Variants in KMT5A observed in about 807,000 individuals in gnomAD.
KMT5A encodes N-lysine methyltransferase KMT5A.
In KMT5A, 6 loss-of-function variants were observed where a neutral mutation model predicts 40.6. The ratio of observed to expected loss-of-function variants is 0.15; its 90% confidence interval spans 0.08 to 0.29. KMT5A has a LOEUF of 0.29. Among genes scored for constraint, KMT5A ranks in the 10% least tolerant of loss-of-function variants. The pLI, the probability that KMT5A is intolerant of heterozygous loss-of-function variation, is 1.00. For synonymous variants in KMT5A, 153 were observed against 178.8 expected, an observed-to-expected ratio of 0.86 and a Z score of 1.15; for missense variants, 308 against 459.1, an observed-to-expected ratio of 0.67 and a Z score of 3.01.
chr12:123,387,821 G>C (rs956292451), intron 1 of KMT5A, among the ~76,000 whole-genome samples: 4 of 152,196 alleles, frequency 2.6e-5, no homozygotes, highest in African/African-American at 9.7e-5. Flanking sequence ...GGAATTCAAG[G>C]TTCTTGGTTT....
chr12:123,398,121 A>G (rs1877875762), intron 5 of KMT5A, among the ~76,000 whole-genome samples: 1 of 151,862 alleles, frequency 6.6e-6, no homozygotes, highest in Non-Finnish European at 1.5e-5. Flanking sequence ...TGTCTCTACT[A>G]AAATACAAAA....
chr12:123,405,039 C>T lies in KMT5A; in HGVS notation c.813C>T (p.Tyr271=). The T allele has an allele frequency of 6.2e-7, 1 of 1,614,048 alleles. No individual in the cohort carries two copies. The highest frequency in any genetic ancestry group is 8.5e-7 in the Non-Finnish European group (1 of 1,179,960). ...CACAGGACCCTTCCACGGGCTGCTA[C>T]ATGTACTATTTTCAGTATCTGAGCA... ...LYAQDPSTGC[Y]MYYFQYLSKT... The change falls in exon 7 of 8, where the codon TAC becomes TAT. Residue 271 remains tyrosine (Y), a synonymous_variant. Transcript: ENST00000402868.
chr12:123,397,077 C>A lies in KMT5A; in HGVS notation c.597+645C>A, dbSNP rs180727170. On this transcript the variant is annotated intron_variant, in intron 5 of 7. Transcript: ENST00000402868. ...CCTCTGCTTCCTCAGTGTTGTCACT[C>A]CCGTCTGCTCTTTCCCACGCTGCTG... Among the ~76,000 whole-genome samples, 36 of 152,360 alleles carry A rather than the reference C, an allele frequency of 2.4e-4. 1 individual carries two copies. The East Asian group carries it at 6.0e-3, about 25-fold the overall frequency.
At chr12:123,398,894 G>T (rs1877943962) in intron 5 of KMT5A, among the ~76,000 whole-genome samples, 1 of 152,238 alleles carries the variant, frequency 6.6e-6, no homozygotes, top group Admixed American at 6.5e-5. Context: ...GATGGTCTGG[G>T]GTGAAACTGC....
At chr12:123,385,960 A>G (rs1876849504) in intron 1 of KMT5A, among the ~76,000 whole-genome samples, 1 of 152,154 alleles carries the variant, frequency 6.6e-6, no homozygotes, top group African/African-American at 2.4e-5. Flanking sequence ...TTTTTGGAAG[A>G]GGAAGCGTGA....
intron 4 of KMT5A, 102 bp downstream of exon 4, chr12:123,395,368 T>C (rs1375368340): frequency 6.3e-6 from 7 of 1,117,076 alleles, no homozygotes; most frequent in Non-Finnish European, 9.0e-6. Context: ...TGGCCACCTC[T>C]CAGCCTCTCT....
chr12:123,406,720 G>A (rs1878582011), intron 7 of KMT5A, among the ~76,000 whole-genome samples: 1 of 152,014 alleles, frequency 6.6e-6, no homozygotes, highest in South Asian at 2.1e-4. Flanking sequence ...CAGGGCCTGT[G>A]CAGGCTCTCA....
intron 3 of KMT5A, 83 bp downstream of exon 3, chr12:123,390,869 A>T (rs1877266696): frequency 6.8e-7 from 1 of 1,477,496 alleles, no homozygotes; most frequent in African/African-American, 1.4e-5. Flanking sequence ...GCACATATGT[A>T]TTTATCCAAC....
chr12:123,400,066 C>T (rs1878029284), intron 5 of KMT5A, among the ~76,000 whole-genome samples: 1 of 152,136 alleles, frequency 6.6e-6, no homozygotes, highest in South Asian at 2.1e-4. Context: ...TCATGATCCA[C>T]TTGCCTCGGC....
intron 1 of KMT5A, among the ~76,000 whole-genome samples, chr12:123,387,852 G>T (rs1295765794): frequency 6.6e-6 from 1 of 152,228 alleles, no homozygotes; most frequent in Non-Finnish European, 1.5e-5. Context: ...GGACACTGAG[G>T]CCCAGACTGG....
At chr12:123,403,276 C>T (rs112558769) in intron 5 of KMT5A, among the ~76,000 whole-genome samples, 2 of 152,374 alleles carry the variant, frequency 1.3e-5, no homozygotes, top group African/African-American at 4.8e-5. Flanking sequence ...TTTTAACGTG[C>T]TGCATGGGCA....
rs530989874 is a variant in KMT5A, at chr12:123,396,456, G to A, written c.597+24G>A. On this transcript the variant is annotated intron_variant, in intron 5 of 7. Coordinates refer to ENST00000402868, the MANE Select transcript of KMT5A (RefSeq NM_020382.7). ...AGGTAGTCACGTGCTTTAAATTCCA[G>A]TTTGTGGAGGGGCAGGGTGGCCCAC... is the stretch of plus-strand genomic sequence containing the variant. 4 of 1,612,082 alleles carry A rather than the reference G, an allele frequency of 2.5e-6. No homozygotes were observed. In the African/African-American group the frequency reaches 5.3e-5, roughly 21 times the overall value.
rs1878711253 is a variant in KMT5A, at chr12:123,408,209, T to C, written c.*506T>C. On this transcript the variant is annotated 3_prime_UTR_variant, in exon 8 of 8. Coordinates refer to ENST00000402868, the MANE Select transcript of KMT5A (RefSeq NM_020382.7). ...ACAGGCGCTCACTGAAGTGTATGAA[T>C]ATTTTTTAAAAAGGTTTTTGCAGTA... 1 of 153,286 alleles carries C rather than the reference T, an allele frequency of 6.5e-6. No homozygotes were observed. The highest frequency in any genetic ancestry group is 6.5e-5 in the Admixed American group (1 of 15,362). 9.5% of individuals were successfully genotyped at this position (153,286 alleles called of 1,614,324 possible). A position where few individuals can be genotyped will look rare whatever the true frequency, so the allele number is the denominator to read the frequency against.
intron 5 of KMT5A, among the ~76,000 whole-genome samples, chr12:123,396,950 G>C (rs1160342463): frequency 6.6e-6 from 1 of 152,232 alleles, no homozygotes; most frequent in Non-Finnish European, 1.5e-5. Context: ...TGTAGTACCT[G>C]CTAGAGCTGT....
intron 5 of KMT5A, among the ~76,000 whole-genome samples, chr12:123,397,305 T>G (rs1877802894): frequency 6.6e-6 from 1 of 152,226 alleles, no homozygotes; most frequent in Non-Finnish European, 1.5e-5. Context: ...CAGGGACACC[T>G]GGGGCTGCCC....
chr12:123,390,390 C>T (rs76801833), intron 2 of KMT5A, among the ~76,000 whole-genome samples: 11,727 of 152,224 alleles, frequency 0.077, 1,235 homozygotes, highest in African/African-American at 0.24. Context: ...GCCGACTCTC[C>T]TGCTGGCCAG....
chr12:123,403,345 C>G (rs1241509895), intron 5 of KMT5A, among the ~76,000 whole-genome samples: 2 of 152,224 alleles, frequency 1.3e-5, no homozygotes, highest in Non-Finnish European at 2.9e-5. Flanking sequence ...CCCTCCTGAT[C>G]CAGTTGAACC....
intron 7 of KMT5A, among the ~76,000 whole-genome samples, chr12:123,405,936 C>T (rs530465526): frequency 3.0e-4 from 45 of 152,126 alleles, no homozygotes; most frequent in Non-Finnish European, 5.9e-4. Flanking sequence ...TCTCCTGCCT[C>T]AGCCTCCTGA....
intron 5 of KMT5A, among the ~76,000 whole-genome samples, chr12:123,402,292 C>T (rs1050731853): frequency 6.6e-6 from 1 of 152,208 alleles, no homozygotes; most frequent in Non-Finnish European, 1.5e-5. Context: ...GGGCCGGGGC[C>T]GTGGCTGGGC....
Sources: allele counts gnomAD v4.1 joint callset (sites outside exome capture counted in the v4.1 genomes callset), GRCh38; gene constraint gnomAD v4.1.1; transcripts MANE v1.5; gene names NCBI Gene and HGNC (gene_info 2026-07-23, HGNC 2026-07-21).